The following ZMYND12 variants were observed in gnomAD, a reference collection of about 807,000 sequenced individuals.
ZMYND12 encodes zinc finger MYND-type containing 12, also known as zinc finger MYND domain-containing protein 12.
In ZMYND12, 32 loss-of-function variants were observed where a neutral mutation model predicts 41.7. That is an observed-to-expected ratio of 0.77 (90% CI 0.58 to 1.03). The LOEUF is 1.03. Ranked by LOEUF, ZMYND12 falls within the 50% of genes least tolerant of loss-of-function variation. The probability of loss-of-function intolerance (pLI) is 0.00; values close to 1 mark genes in which losing one functional copy is unlikely to be tolerated. For missense variants in ZMYND12, 424 were observed against 438.5 expected (o/e 0.97, Z 0.30); for synonymous variants, 148 against 164.8 (o/e 0.90, Z 0.78).
At position 42,450,057 on chromosome 1, in the gene ZMYND12, C is replaced by T; in HGVS notation, c.113G>A (p.Gly38Glu). The change falls in exon 2 of 8, where the codon GGG (glycine) becomes GAG (glutamate). Residue 38 changes from glycine (G) to glutamate (E), a missense_variant and splice_region_variant. Coordinates refer to ENST00000372565, the MANE Select transcript of ZMYND12 (RefSeq NM_032257.5). ...CCAGTCAGCCTTCTGATGTACCACCCCACTGACAACGGAAACATAGACTTT... is the reference window on the plus strand; with the variant it reads ...CCAGTCAGCCTTCTGATGTACCACCTCACTGACAACGGAAACATAGACTTT... ...CAACTVTYYC[G>E]VVHQKADWDS... 6.2e-7 allele frequency: 1 copy of T among 1,613,466 alleles called. No homozygotes were observed. The highest frequency in any genetic ancestry group is 8.5e-7 in the Non-Finnish European group (1 of 1,179,980).
intron 3 of ZMYND12, among the ~76,000 whole-genome samples, chr1:42,440,446 T>C (rs927176120): frequency 6.6e-6 from 1 of 150,958 alleles, no homozygotes. Context: ...GGCAAATCCA[T>C]AGAGACGGAA....
intron 3 of ZMYND12, among the ~76,000 whole-genome samples, chr1:42,445,430 C>T (rs1643013743): frequency 8.8e-6 from 1 of 113,190 alleles, no homozygotes; most frequent in African/African-American, 3.4e-5. Flanking sequence ...GGGACTCCGT[C>T]TAAAAAAAAA....
At chr1:42,455,852 A>C (rs1408462865) in intron 1 of ZMYND12, 36 bp downstream of exon 1, 1 of 1,499,102 alleles carries the variant, frequency 6.7e-7, no homozygotes, top group South Asian at 1.2e-5. Context: ...AGAGGGAGGG[A>C]GTTATAGCGC....
At chr1:42,439,189 G>A (rs2809663) in intron 4 of ZMYND12, among the ~76,000 whole-genome samples, 51,255 of 151,656 alleles carry the variant, frequency 0.34, 8,821 homozygotes, top group Admixed American at 0.38. Context: ...TGCAGGTGAT[G>A]AAAGAGGTTA....
Position 42,455,938 on chromosome 1 carries a change from G to A in ZMYND12, c.60C>T (p.Cys20=). The A allele has an allele frequency of 6.2e-7, 1 of 1,613,630 alleles. No individual in the cohort carries two copies. The highest frequency in any genetic ancestry group is 8.5e-7 in the Non-Finnish European group (1 of 1,179,996). Residue 20 remains cysteine (C), a synonymous_variant, in exon 1 of 8, where the codon TGC becomes TGT. Transcript: ENST00000372565. The stretch of plus-strand genomic sequence containing the variant: ...CGCACACCCGCTCGGCTGGGGCTTC[G>A]CACACCTCACAGCAGAGTCTGCGCC... ...PKGRRLCCEV[C]EAPAERVCAA...
intron 1 of ZMYND12, 138 bp downstream of exon 1, chr1:42,455,750 G>A: frequency 1.6e-6 from 1 of 619,632 alleles, no homozygotes; most frequent in East Asian, 2.8e-5. Context: ...GGGAGTCTTA[G>A]GGGCCTGTCT....
chr1:42,443,104 T>C (rs1246440019), intron 3 of ZMYND12, among the ~76,000 whole-genome samples: 1 of 152,174 alleles, frequency 6.6e-6, no homozygotes, highest in East Asian at 1.9e-4. Flanking sequence ...AAGGAGGCAA[T>C]GCCAAAGAAT....
chr1:42,446,818 G>A (rs2148409011), intron 3 of ZMYND12, among the ~76,000 whole-genome samples: 1 of 152,192 alleles, frequency 6.6e-6, no homozygotes, highest in East Asian at 1.9e-4. Flanking sequence ...TTTGGCTTCT[G>A]ATTTTCACTT....
intron 5 of ZMYND12, chr1:42,435,622 G>T: frequency 2.4e-6 from 1 of 409,664 alleles, no homozygotes; most frequent in Non-Finnish European, 4.5e-6. Flanking sequence ...GCCCTAGTGG[G>T]GTCTAATAAC....
intron 6 of ZMYND12, among the ~76,000 whole-genome samples, chr1:42,434,133 C>G (rs1642882470): frequency 6.6e-6 from 1 of 152,204 alleles, no homozygotes; most frequent in South Asian, 2.1e-4. Flanking sequence ...TTTGTACTCA[C>G]AGGAATGTTC....
In ZMYND12 at chr1:42,449,963, T is replaced by C. The variant is rs1643065961; in HGVS notation, c.207A>G (p.Ser69=). 1.2e-6 allele frequency: 2 copies of C among 1,613,570 alleles called. No individual in the cohort carries two copies. Among genetic ancestry groups the C allele is most frequent in the Non-Finnish European group, 1.7e-6 (2 of 1,180,042 alleles). ...PLRTSMPFYN[S]EEERQHGLQQ... Reference sequence around the variant, plus strand: ...GCAGGCCATGCTGCCGTTCTTCCTCTGAATTGTAGAAGGGCATGGAAGTGC... The same window carrying C: ...GCAGGCCATGCTGCCGTTCTTCCTCCGAATTGTAGAAGGGCATGGAAGTGC... Residue 69 remains serine, a synonymous_variant, in exon 2 of 8, where the codon TCA becomes TCG. Coordinates refer to ENST00000372565, the MANE Select transcript of ZMYND12 (RefSeq NM_032257.5).
intron 3 of ZMYND12, among the ~76,000 whole-genome samples, chr1:42,444,609 T>G (rs1643003180): frequency 6.6e-6 from 1 of 152,146 alleles, no homozygotes; most frequent in African/African-American, 2.4e-5. Flanking sequence ...TCAGGTACTG[T>G]GAAATTATCT....
At chr1:42,433,003 G>C in intron 7 of ZMYND12, 140 bp downstream of exon 7, 4 of 1,041,662 alleles carry the variant, frequency 3.8e-6, no homozygotes, top group Non-Finnish European at 4.2e-6. Context: ...GAGAAACATC[G>C]TGAGCATCTG....
intron 4 of ZMYND12, among the ~76,000 whole-genome samples, chr1:42,438,496 G>A (rs1273863577): frequency 6.6e-6 from 1 of 152,168 alleles, no homozygotes; most frequent in Non-Finnish European, 1.5e-5. Flanking sequence ...TGTGGCCACA[G>A]AGGAACACTG....
rs201282219 is a variant in ZMYND12, at chr1:42,433,183, A to T, written c.935T>A (p.Ile312Asn). 4.8e-5 allele frequency: 77 copies of T among 1,610,116 alleles called. No homozygotes were observed. In the Middle Eastern group the frequency reaches 5.0e-4, roughly 10 times the overall value. ...CATCAGGTAGTAAAACATGACCAGG[A>T]TCTTCAGAACAAAGATGGTTTTTTG... The part of the protein sequence containing the change: ...APQKTIFVLK[I>N]LVMFYYLMMN... Residue 312 changes from isoleucine (I) to asparagine (N), a missense_variant, in exon 7 of 8, where the codon ATC becomes AAC. Physicochemically the swap from Ile to Asn is moderately radical, Grantham distance 149. Transcript: ENST00000372565.
intron 1 of ZMYND12, 43 bp downstream of exon 1, chr1:42,455,845 G>A (rs775490663): frequency 1.4e-6 from 2 of 1,456,260 alleles, no homozygotes; most frequent in African/African-American, 1.4e-5. Context: ...AAGGGAGAGA[G>A]GGAGGGAGTT....
rs369606317 is a variant in ZMYND12 at position 42,430,884 on chromosome 1, G to C, written c.976-26C>G. ...CTGAAATAGAATTGCAGTGACAAAA[G>C]GAAGTTGTCACAGGAAAGCATAACA... On this transcript the variant is annotated intron_variant, in intron 7 of 7. Coordinates refer to ENST00000372565, the MANE Select transcript of ZMYND12 (RefSeq NM_032257.5). The C allele has an allele frequency of 8.7e-6, 14 of 1,612,800 alleles. No homozygotes were observed. The African/African-American group carries it at 1.6e-4, about 18-fold the overall frequency.
intron 5 of ZMYND12, 21 bp downstream of exon 5, chr1:42,436,400 C>A (rs914919047): frequency 1.2e-6 from 2 of 1,612,066 alleles, no homozygotes; most frequent in Admixed American, 3.3e-5. Context: ...GAAGGCTCAG[C>A]TCCCACATTC....
chr1:42,445,839 G>A (rs890034628), intron 3 of ZMYND12, among the ~76,000 whole-genome samples: 1 of 152,154 alleles, frequency 6.6e-6, no homozygotes, highest in African/African-American at 2.4e-5. Context: ...GATGATGTGG[G>A]GAGACCAGTT....
Sources: gnomAD v4.1 joint callset for allele counts (sites outside exome capture counted in the v4.1 genomes callset) on GRCh38, gnomAD v4.1.1 for gene constraint, MANE v1.5 for transcripts, NCBI Gene and HGNC (gene_info 2026-07-23, HGNC 2026-07-21) for gene names.